BBS9: variants seen among roughly 807,000 people sequenced by gnomAD.
The protein encoded by BBS9 is Bardet-Biedl syndrome 9.
BBS9 carries 89 observed loss-of-function variants against 117.7 expected under a neutral mutation model. The observed-to-expected ratio is 0.76, with a 90% CI of 0.64 to 0.90. The LOEUF is 0.90. Among genes scored for constraint, BBS9 ranks in the 40% least tolerant of loss-of-function variants. The probability of loss-of-function intolerance (pLI) is 0.00; values close to 1 mark genes in which losing one functional copy is unlikely to be tolerated. For synonymous variants in BBS9, 379 were observed against 370.9 expected (o/e 1.02, Z -0.25); for missense variants, 982 against 1,042.2 (o/e 0.94, Z 0.80).
rs567024700 is a variant in BBS9 at position 33,531,716 on chromosome 7, T to C, written c.2299-2238T>C. On this transcript the variant is annotated intron_variant, in intron 20 of 22. Coordinates refer to ENST00000242067, the MANE Select transcript of BBS9 (RefSeq NM_198428.3). ...ATTTATTCTGCATGCCTCTGGAGGG[T>C]AGAAGAAGGGCCAATGGGGTAGACT... Among the ~76,000 whole-genome samples, 302 of 152,172 alleles carry C rather than the reference T, an allele frequency of 2.0e-3. 2 individuals are homozygous for C. The highest frequency in any genetic ancestry group is 7.0e-3 in the African/African-American group (290 of 41,506).
At chr7:33,206,842 G>T (rs6965715) in intron 5 of BBS9, among the ~76,000 whole-genome samples, 149,446 of 152,258 alleles carry the variant, frequency 0.98, 73,355 homozygotes, top group East Asian at 1. Context: ...CAGAATCTAG[G>T]CTAGGGATAG....
At chr7:33,229,276 T>G (rs1434046226) in intron 5 of BBS9, among the ~76,000 whole-genome samples, 3 of 152,132 alleles carry the variant, frequency 2.0e-5, no homozygotes, top group African/African-American at 7.2e-5. Context: ...ATGTTTTACA[T>G]TAGTTCTCTA....
chr7:33,544,352 CTGT>C (rs1433465001), intron 21 of BBS9, among the ~76,000 whole-genome samples: 2 of 152,186 alleles, frequency 1.3e-5, no homozygotes, highest in South Asian at 2.1e-4. Flanking sequence ...TGGCTGAAAG[CTGT>C]TGTTCAGATT....
Position 33,533,912 on chromosome 7 carries a change from T to C in BBS9, c.2299-42T>C, listed in dbSNP as rs1158201999. 4 of 1,602,002 alleles carry C rather than the reference T, an allele frequency of 2.5e-6. No individual in the cohort carries two copies. In the East Asian group the frequency reaches 6.7e-5, roughly 27 times the overall value. ...ATACATCAAGTGCCCACTTTTCTTA[T>C]TGTCATCTTTGTATTAATTCAAAAT... On this transcript the variant is annotated intron_variant, in intron 20 of 22. Transcript: ENST00000242067.
intron 21 of BBS9, among the ~76,000 whole-genome samples, chr7:33,565,828 CCG>C (rs1856826488): frequency 5.5e-5 from 1 of 18,210 alleles, no homozygotes; most frequent in Non-Finnish European, 8.9e-5. Flanking sequence ...TATATATATA[CCG>C]CTATATATAC....
At chr7:33,351,130 C>G in intron 13 of BBS9, 89 bp from the exon 14 acceptor site, 2 of 797,840 alleles carry the variant, frequency 2.5e-6, no homozygotes, top group Non-Finnish European at 4.4e-6. Flanking sequence ...CAGTACCTGG[C>G]ATGTGGTGAG....
intron 21 of BBS9, among the ~76,000 whole-genome samples, chr7:33,539,155 G>A (rs1851893624): frequency 6.6e-6 from 1 of 152,300 alleles, no homozygotes; most frequent in South Asian, 2.1e-4. Flanking sequence ...GATTATACAG[G>A]TGTGAGTTTC....
chr7:33,405,760 G>A (rs746010161), intron 19 of BBS9, among the ~76,000 whole-genome samples: 14 of 151,820 alleles, frequency 9.2e-5, no homozygotes, highest in Admixed American at 2.0e-4. Context: ...TCTTGCTAGC[G>A]GTCTATCAAT....
chr7:33,323,065 T>C (rs1584317917), intron 9 of BBS9, among the ~76,000 whole-genome samples: 1 of 152,318 alleles, frequency 6.6e-6, no homozygotes, highest in East Asian at 1.9e-4. Flanking sequence ...TTGTTATTGA[T>C]TTCTAGTTTT....
intron 17 of BBS9, among the ~76,000 whole-genome samples, chr7:33,376,658 C>T (rs1823953470): frequency 6.6e-6 from 1 of 152,194 alleles, no homozygotes; most frequent in African/African-American, 2.4e-5. Context: ...ACACCCCCAC[C>T]AGCAGTGTAT....
At chr7:33,178,495 C>T (rs1797647630) in intron 5 of BBS9, among the ~76,000 whole-genome samples, 1 of 152,180 alleles carries the variant, frequency 6.6e-6, no homozygotes, top group Non-Finnish European at 1.5e-5. Context: ...AAACCAACTT[C>T]TCTCCCTGCA....
At position 33,596,395 on chromosome 7, in the gene BBS9, A is replaced by ATC. The variant is rs766677015; in HGVS notation, c.2522-8469_2522-8468insCT. On this transcript the variant is annotated intron_variant, in intron 21 of 22. Transcript: ENST00000242067. The stretch of plus-strand genomic sequence containing the variant: ...TCTATCTATCTATCTATCTATCTAT[A>ATC]TATAATTAGTCAAAAAAATTCCCAC... Among the ~76,000 whole-genome samples the ATC allele has an allele frequency of 8.1e-3, 668 of 82,546 alleles. 5 individuals are homozygous for ATC. Among genetic ancestry groups the ATC allele is most frequent in the Non-Finnish European group, 0.01 (426 of 42,024 alleles). 54.2% of individuals were successfully genotyped at this position (82,546 alleles called of 152,430 possible).
intron 5 of BBS9, among the ~76,000 whole-genome samples, chr7:33,238,185 G>A (rs1793848646): frequency 6.6e-6 from 1 of 152,144 alleles, no homozygotes; most frequent in Non-Finnish European, 1.5e-5. Context: ...GTTTGAACAT[G>A]TGATTTTAAA....
chr7:33,158,533 T>C (rs1422544055), intron 4 of BBS9, among the ~76,000 whole-genome samples: 2 of 152,176 alleles, frequency 1.3e-5, no homozygotes, highest in Admixed American at 6.6e-5. Context: ...AAAATTGTCT[T>C]TTTCTCCATA....
intron 19 of BBS9, among the ~76,000 whole-genome samples, chr7:33,466,892 G>A (rs1840242390): frequency 6.6e-6 from 1 of 152,066 alleles, no homozygotes; most frequent in South Asian, 2.1e-4. Context: ...AATCTTGGAG[G>A]GAGAGAGTGG....
chr7:33,374,792 T>G (rs142384444), intron 17 of BBS9, among the ~76,000 whole-genome samples: 1 of 151,428 alleles, frequency 6.6e-6, no homozygotes, highest in African/African-American at 2.4e-5. Context: ...TCCCACCTAC[T>G]TGGGAGGTTG....
chr7:33,565,702 G>A (rs1007603572), intron 21 of BBS9, among the ~76,000 whole-genome samples: 7 of 143,764 alleles, frequency 4.9e-5, no homozygotes, highest in African/African-American at 1.8e-4. Context: ...GTCTGACTTG[G>A]AAACTTGCAT....
chr7:33,355,896 T>A (rs1036279117), intron 15 of BBS9, among the ~76,000 whole-genome samples: 18 of 151,916 alleles, frequency 1.2e-4, no homozygotes, highest in African/African-American at 4.1e-4. Context: ...TAATTTTTTT[T>A]AACTGTGAAT....
intron 19 of BBS9, among the ~76,000 whole-genome samples, chr7:33,431,460 G>A (rs1289417843): frequency 6.6e-6 from 1 of 152,106 alleles, no homozygotes; most frequent in South Asian, 2.1e-4. Flanking sequence ...CTTAATGACC[G>A]ATGTAATGGT....
Sources: allele counts gnomAD v4.1 joint callset (sites outside exome capture counted in the v4.1 genomes callset), GRCh38; gene constraint gnomAD v4.1.1; transcripts MANE v1.5; gene names NCBI Gene and HGNC (gene_info 2026-07-23, HGNC 2026-07-21).